Variants in MAGEC1 observed in about 807,000 individuals in gnomAD.
MAGEC1 encodes the protein melanoma-associated antigen C1.
Under a neutral mutation model 1.5 loss-of-function variants are expected in MAGEC1, and 3 were observed. The ratio of observed to expected loss-of-function variants is 1.97; its 90% CI spans 0.90 to 5.10. MAGEC1 has a LOEUF of 5.10. MAGEC1 is among the 30% of genes most tolerant of loss of function. The pLI is 0.02. For synonymous variants in MAGEC1, 357 were observed against 310.4 expected (o/e 1.15, Z -1.58); for missense variants, 985 against 803.1 (o/e 1.23, Z -2.74).
chrX:141,906,559 A>G lies in MAGEC1; in HGVS notation c.1155A>G (p.Leu385=). The G allele has an allele frequency of 8.4e-7, 1 of 1,194,844 alleles. No homozygotes were observed. Among genetic ancestry groups the G allele is most frequent in the Non-Finnish European group, 1.1e-6 (1 of 888,168 alleles). ...GGAGCCCCTCCTTCTCCTCCACTTT[A>G]CTGAGTCTTTTCCAGAGTTCCCCTG... ...IPGSPSFSST[L]LSLFQSSPER... Residue 385 remains leucine, a synonymous_variant, in exon 4 of 4, where the codon TTA becomes TTG. Transcript: ENST00000285879.
chrX:141,904,877 G>A, intron 2 of MAGEC1, 63 bp downstream of exon 2: 2 of 552,747 alleles, frequency 3.6e-6, no homozygotes, highest in East Asian at 3.5e-5. Context: ...AGACCTGGCA[G>A]CACCCGGCCT....
chrX:141,905,138 A>G, intron 3 of MAGEC1, 62 bp downstream of exon 3: 1 of 1,174,349 alleles, frequency 8.5e-7, no homozygotes, highest in Non-Finnish European at 1.2e-6. Flanking sequence ...GTGGGATCCC[A>G]TCATACCTAT....
In MAGEC1 at chrX:141,908,657, G is replaced by A. The variant is rs768334940; in HGVS notation, c.3253G>A (p.Val1085Ile). The A allele has an allele frequency of 3.4e-5, 41 of 1,210,094 alleles. No individual in the cohort carries two copies. In the South Asian group the frequency reaches 6.5e-4, roughly 19 times the overall value. The change falls in exon 4 of 4, where the codon GTA becomes ATA. Residue 1085 changes from valine to isoleucine, a missense_variant. Val to Ile is a conservative substitution (Grantham distance 29, BLOSUM62 3). Coordinates refer to ENST00000285879, the MANE Select transcript of MAGEC1 (RefSeq NM_005462.5). The stretch of plus-strand genomic sequence containing the variant: ...TTCAGAAGTCATTAAGAGGAAAGTA[G>A]TAGAGTTTTTGGCCATGCTAAAGAA... ...AHSEVIKRKV[V>I]EFLAMLKNTV... is the part of the protein sequence containing the mutation.
In MAGEC1 at chrX:141,905,015, C is replaced by A. The variant is rs1030993680; in HGVS notation, c.-58C>A. The A allele has an allele frequency of 1.7e-6, 2 of 1,210,492 alleles. No individual in the cohort carries two copies. The highest frequency in any genetic ancestry group is 1.7e-5 in the African/African-American group (1 of 57,758). Reference sequence around the variant, plus strand: ...CTAGGAAGACAGGCGACCTGTGAGGCCCTAGAGCACCACCTTAAGAGAAGA... The same window carrying A: ...CTAGGAAGACAGGCGACCTGTGAGGACCTAGAGCACCACCTTAAGAGAAGA... On this transcript the variant is annotated 5_prime_UTR_variant, in exon 3 of 4. Transcript: ENST00000285879.
At position 141,908,239 on chromosome X, in the gene MAGEC1, C is replaced by T. The variant is rs781349731; in HGVS notation, c.2835C>T (p.Tyr945=). ...ATGTCATCAGCAGGTACACGGGCTACTTTCCTGTGATCTTCAGGAAAGCCC... is the reference window on the plus strand; with the variant it reads ...ATGTCATCAGCAGGTACACGGGCTATTTTCCTGTGATCTTCAGGAAAGCCC... ...LTNVISRYTG[Y]FPVIFRKARE... is the part of the protein sequence containing the mutation. Residue 945 remains tyrosine (Y), a synonymous_variant, in exon 4 of 4, where the codon TAC becomes TAT. Coordinates refer to ENST00000285879, the MANE Select transcript of MAGEC1 (RefSeq NM_005462.5). 7.4e-6 allele frequency: 9 copies of T among 1,211,711 alleles called. No individual in the cohort carries two copies. Among genetic ancestry groups the T allele is most frequent in the Non-Finnish European group, 1.0e-5 (9 of 895,515 alleles).
Position 141,905,492 on chromosome X carries a change from G to A in MAGEC1, c.88G>A (p.Asp30Asn). The part of the protein sequence containing the change: ...ESPQSCPEGE[D>N]SQSPLQIPQS... The stretch of plus-strand genomic sequence containing the variant: ...TCCTCAGAGTTGTCCTGAGGGGGAG[G>A]ACTCCCAGTCTCCTCTCCAGATTCC... Residue 30 changes from aspartate to asparagine, a missense_variant, in exon 4 of 4, where the codon GAC (aspartate) becomes AAC (asparagine). Transcript: ENST00000285879. 8.3e-7 allele frequency: 1 copy of A among 1,210,761 alleles called. No homozygotes were observed. The highest frequency in any genetic ancestry group is 1.1e-6 in the Non-Finnish European group (1 of 894,589).
Position 141,908,234 on chromosome X carries a change from G to T in MAGEC1, c.2830G>T (p.Gly944Cys), listed in dbSNP as rs757622965. The change falls in exon 4 of 4, where the codon GGC (glycine) becomes TGC (cysteine). Residue 944 changes from glycine (G) to cysteine (C), a missense_variant. By Grantham distance (159) the Gly-to-Cys change is radical. Coordinates refer to ENST00000285879, the MANE Select transcript of MAGEC1 (RefSeq NM_005462.5). ...GACGAATGTCATCAGCAGGTACACG[G>T]GCTACTTTCCTGTGATCTTCAGGAA... ...MLTNVISRYT[G>C]YFPVIFRKAR... 127 of 1,209,560 alleles carry T rather than the reference G, an allele frequency of 1.0e-4. No individual in the cohort carries two copies. Among genetic ancestry groups the T allele is most frequent in the Non-Finnish European group, 1.4e-4 (124 of 895,168 alleles).
chrX:141,908,493 C>T lies in MAGEC1; in HGVS notation c.3089C>T (p.Ala1030Val), dbSNP rs1442596907. 1.7e-6 allele frequency: 2 copies of T among 1,196,206 alleles called. No individual in the cohort carries two copies. The highest frequency in any genetic ancestry group is 2.3e-6 in the Non-Finnish European group (2 of 887,857). ...GTGCTGAGTGGAATAGGGGTGCGTGCTGGGAGGGAGCACTTTGCCTTTGGG... is the reference window on the plus strand; with the variant it reads ...GTGCTGAGTGGAATAGGGGTGCGTGTTGGGAGGGAGCACTTTGCCTTTGGG... ...WDVLSGIGVR[A>V]GREHFAFGEP... The change falls in exon 4 of 4, where the codon GCT becomes GTT. Residue 1030 changes from alanine (A) to valine (V), a missense_variant. By Grantham distance (64) the Ala-to-Val change is moderately conservative. Transcript: ENST00000285879.
Position 141,905,736 on chromosome X carries a change from C to T in MAGEC1, c.332C>T (p.Pro111Leu), listed in dbSNP as rs770742559. 1 of 1,211,945 alleles carries T rather than the reference C, an allele frequency of 8.3e-7. No individual in the cohort carries two copies. Among genetic ancestry groups the T allele is most frequent in the South Asian group, 1.8e-5 (1 of 57,030 alleles). Residue 111 changes from proline to leucine, a missense_variant, in exon 4 of 4, where the codon CCT (proline) becomes CTT (leucine). Pro to Leu is a moderately conservative substitution (Grantham distance 98). Transcript: ENST00000285879. The stretch of plus-strand genomic sequence containing the variant: ...CCTGAGGGGAAGGACTCCCTGTCTC[C>T]TCTAGAGATTTCTCAGAGCCCTCCT... ...SSPEGKDSLS[P>L]LEISQSPPEG... is the part of the protein sequence containing the mutation.
At position 141,909,126 on chromosome X, in the gene MAGEC1, AAC is replaced by A. The variant is rs1196398959; in HGVS notation, c.*298_*299del. On this transcript the variant is annotated 3_prime_UTR_variant, in exon 4 of 4. Coordinates refer to ENST00000285879, the MANE Select transcript of MAGEC1 (RefSeq NM_005462.5). ...TTTTGTAAAAACAAAAACACACCCA[AAC>A]ACACCACATTGGGAAAACCTTCTGC... The A allele has an allele frequency of 6.6e-5, 14 of 211,592 alleles. No individual in the cohort carries two copies. 17.4% of individuals were successfully genotyped at this position (211,592 alleles called of 1,213,427 possible). A position where few individuals can be genotyped will look rare whatever the true frequency, so the allele number is the denominator to read the frequency against.
intron 3 of MAGEC1, 94 bp downstream of exon 3, chrX:141,905,170 C>T: frequency 8.9e-7 from 1 of 1,121,556 alleles, no homozygotes; most frequent in Non-Finnish European, 1.2e-6. Flanking sequence ...CGTTTACCTG[C>T]TGCTCCTGAA....
Position 141,909,055 on chromosome X carries a change from C to A in MAGEC1, c.*222C>A, listed in dbSNP as rs957462639. ...AGAATCCTAGTTTATGCACATGAGT[C>A]GCACATGTATTGCTGTTTTTCTGGT... On this transcript the variant is annotated 3_prime_UTR_variant, in exon 4 of 4. Coordinates refer to ENST00000285879, the MANE Select transcript of MAGEC1 (RefSeq NM_005462.5). The A allele has an allele frequency of 6.4e-6, 2 of 311,754 alleles. No homozygotes were observed. Among genetic ancestry groups the A allele is most frequent in the African/African-American group, 5.3e-5 (2 of 37,611 alleles). 25.7% of individuals were successfully genotyped at this position (311,754 alleles called of 1,213,427 possible). A position where few individuals can be genotyped will look rare whatever the true frequency, so the allele number is the denominator to read the frequency against.
chrX:141,905,190 T>C, intron 3 of MAGEC1, 114 bp downstream of exon 3: 2 of 1,089,510 alleles, frequency 1.8e-6, no homozygotes, highest in Non-Finnish European at 2.5e-6. Flanking sequence ...ACAATATTCA[T>C]CATGCCTCTC....
intron 1 of MAGEC1, 90 bp downstream of exon 1, chrX:141,904,068 T>C (rs1466788148): frequency 1.8e-5 from 2 of 110,709 alleles, no homozygotes; most frequent in African/African-American, 6.6e-5. Flanking sequence ...CACTTGTAGG[T>C]GGCGGAAACG....
Position 141,907,352 on chromosome X carries a change from A to G in MAGEC1, c.1948A>G (p.Ser650Gly). 1 of 1,203,432 alleles carries G rather than the reference A, an allele frequency of 8.3e-7. No individual in the cohort carries two copies. The change falls in exon 4 of 4, where the codon AGT becomes GGT. Residue 650 changes from serine (S) to glycine (G), a missense_variant. By Grantham distance (56) the Ser-to-Gly change is moderately conservative. Coordinates refer to ENST00000285879, the MANE Select transcript of MAGEC1 (RefSeq NM_005462.5). ...CCAGAGTTTCCCTGAGAGTTCTCAG[A>G]GTCCTCCTGAGGGGCCTGTCCAGTC... ...LPQSFPESSQ[S>G]PPEGPVQSPL...
chrX:141,908,711 T>C lies in MAGEC1; in HGVS notation c.3307T>C (p.Tyr1103His). 1 of 1,211,669 alleles carries C rather than the reference T, an allele frequency of 8.3e-7. No individual in the cohort carries two copies. ...CGTCCCTATTACCTTTCCATCCTCT[T>C]ACAAGGATGCTTTGAAAGATGTGGA... is the stretch of plus-strand genomic sequence containing the variant. ...NTVPITFPSS[Y>H]KDALKDVEER... The change falls in exon 4 of 4, where the codon TAC (tyrosine) becomes CAC (histidine). Residue 1103 changes from tyrosine (Y) to histidine (H), a missense_variant. Coordinates refer to ENST00000285879, the MANE Select transcript of MAGEC1 (RefSeq NM_005462.5).
rs150250736 is a variant in MAGEC1 at position 141,909,252 on chromosome X, G to C, written c.*419G>C. 1,422 of 118,829 alleles carry C rather than the reference G, an allele frequency of 0.012. 23 individuals are homozygous for C. The highest frequency in any genetic ancestry group is 0.042 in the African/African-American group (1,323 of 31,186). The allele number at this position is 118,829 out of a possible 1,213,427, so 9.8% of individuals were successfully genotyped here. A position where few individuals can be genotyped will look rare whatever the true frequency, so the allele number is the denominator to read the frequency against. Reference sequence around the variant, plus strand: ...CAGTTAAATAGTGGAATAAAGTAAAGGATTGTTAATGTTTGCATTTCCTCA... The same window carrying C: ...CAGTTAAATAGTGGAATAAAGTAAACGATTGTTAATGTTTGCATTTCCTCA... On this transcript the variant is annotated 3_prime_UTR_variant, in exon 4 of 4. Coordinates refer to ENST00000285879, the MANE Select transcript of MAGEC1 (RefSeq NM_005462.5).
Position 141,905,392 on chromosome X carries a change from G to C in MAGEC1, c.5-17G>C, listed in dbSNP as rs375510520. ...CTTTCTCATCCTCATCCTCCTCTCTGCTTCTGCGTTCTCCAGGGGACAAGG... is the reference window on the plus strand; with the variant it reads ...CTTTCTCATCCTCATCCTCCTCTCTCCTTCTGCGTTCTCCAGGGGACAAGG... On this transcript the variant is annotated splice_polypyrimidine_tract_variant and intron_variant, in intron 3 of 3. Transcript: ENST00000285879. 3 of 1,191,759 alleles carry C rather than the reference G, an allele frequency of 2.5e-6. No individual in the cohort carries two copies. In the African/African-American group the frequency reaches 5.3e-5, roughly 21 times the overall value.
intron 3 of MAGEC1, 115 bp from the exon 4 acceptor site, chrX:141,905,294 G>C: frequency 1.2e-6 from 1 of 832,478 alleles, no homozygotes; most frequent in Non-Finnish European, 1.7e-6. Flanking sequence ...CCCAGATGAG[G>C]AAGAGGAGGA....
Sources: gnomAD v4.1 joint callset for allele counts on GRCh38, gnomAD v4.1.1 for gene constraint, MANE v1.5 for transcripts, NCBI Gene and HGNC (gene_info 2026-07-23, HGNC 2026-07-21) for gene names.